Variants in PIBF1 observed in about 807,000 individuals in gnomAD.
PIBF1 encodes progesterone-induced-blocking factor 1.
Under a neutral mutation model 112.5 loss-of-function variants are expected in PIBF1, and 90 were observed. The ratio of observed to expected loss-of-function variants is 0.80; its 90% CI spans 0.67 to 0.95. The LOEUF (loss-of-function observed/expected upper bound fraction) is 0.95, where lower values mean the gene tolerates loss of function less well. Ranked by LOEUF, PIBF1 falls within the 40% of genes least tolerant of loss-of-function variation. PIBF1 has a pLI of 0.00. For synonymous variants in PIBF1, 301 were observed against 288.6 expected (o/e 1.04, Z -0.44); for missense variants, 915 against 852.3 (o/e 1.07, Z -0.92).
At chr13:72,905,215 G>A (rs573120882) in intron 11 of PIBF1, among the ~76,000 whole-genome samples, 13 of 151,952 alleles carry the variant, frequency 8.6e-5, no homozygotes, top group East Asian at 7.8e-4. Context: ...TTACATGCAC[G>A]CACCACAACA....
intron 14 of PIBF1, among the ~76,000 whole-genome samples, chr13:72,964,530 G>T (rs1451315216): frequency 6.6e-6 from 1 of 152,028 alleles, no homozygotes; most frequent in Non-Finnish European, 1.5e-5. Context: ...TATACATAAT[G>T]ATTTGGATAT....
intron 2 of PIBF1, among the ~76,000 whole-genome samples, chr13:72,784,849 A>G (rs1319240055): frequency 6.6e-6 from 1 of 152,184 alleles, no homozygotes; most frequent in African/African-American, 2.4e-5. Flanking sequence ...AATTTAAAAA[A>G]TCTAACATAT....
At chr13:72,992,821 G>A (rs199842818) in intron 16 of PIBF1, among the ~76,000 whole-genome samples, 2 of 151,112 alleles carry the variant, frequency 1.3e-5, no homozygotes, top group East Asian at 2.0e-4. Context: ...AATAAAAAAG[G>A]CCATAAGGCA....
chr13:72,793,616 A>T (rs1277525231), intron 3 of PIBF1, among the ~76,000 whole-genome samples: 1 of 152,220 alleles, frequency 6.6e-6, no homozygotes, highest in African/African-American at 2.4e-5. Flanking sequence ...AGATTGAATG[A>T]TGCTGCTGAG....
chr13:72,870,166 G>A (rs2039103273), intron 10 of PIBF1, among the ~76,000 whole-genome samples: 2 of 152,044 alleles, frequency 1.3e-5, no homozygotes, highest in Admixed American at 6.6e-5. Flanking sequence ...TACCATGACT[G>A]CCTTTTTCCT....
intron 12 of PIBF1, among the ~76,000 whole-genome samples, chr13:72,914,286 T>A (rs2041007907): frequency 6.6e-6 from 1 of 152,140 alleles, no homozygotes; most frequent in Non-Finnish European, 1.5e-5. Flanking sequence ...CAAATAAGTA[T>A]TATTTGGATA....
chr13:72,935,928 A>G (rs1331565309), intron 14 of PIBF1, among the ~76,000 whole-genome samples: 1 of 152,054 alleles, frequency 6.6e-6, no homozygotes, highest in Non-Finnish European at 1.5e-5. Context: ...TATCCTAAAT[A>G]CAAGTCATTT....
At chr13:73,005,559 A>G (rs968115884) in intron 17 of PIBF1, among the ~76,000 whole-genome samples, 4 of 151,988 alleles carry the variant, frequency 2.6e-5, no homozygotes, top group African/African-American at 9.7e-5. Flanking sequence ...AGTAGGTTAC[A>G]AAAATAATTT....
rs555210101 is a variant in PIBF1, at chr13:73,015,928, A to T, written c.*9A>T. 1.1e-5 allele frequency: 18 copies of T among 1,576,168 alleles called. No homozygotes were observed. The East Asian group carries it at 3.9e-4, about 34-fold the overall frequency. ...AAAAGATGAAGACCTAGTGTTTTGG[A>T]TGGGAAGCACCTGTAGACCATTATA... On this transcript the variant is annotated 3_prime_UTR_variant, in exon 18 of 18. Coordinates refer to ENST00000326291, the MANE Select transcript of PIBF1 (RefSeq NM_006346.4).
At chr13:72,965,208 G>T in intron 14 of PIBF1, 66 bp from the exon 15 acceptor site, 1 of 1,360,746 alleles carries the variant, frequency 7.3e-7, no homozygotes. Context: ...TTGTGCTAGA[G>T]CATTTTGAAT....
chr13:72,843,026 C>CAAGGTAAAT (rs2037681324), intron 9 of PIBF1, among the ~76,000 whole-genome samples: 1 of 152,040 alleles, frequency 6.6e-6, no homozygotes, highest in African/African-American at 2.4e-5. Flanking sequence ...TTTAGATATA[C>CAAGGTAAAT]CTTTGTGGTG....
At chr13:72,907,415 A>G (rs903665440) in intron 11 of PIBF1, among the ~76,000 whole-genome samples, 33 of 152,194 alleles carry the variant, frequency 2.2e-4, no homozygotes, top group African/African-American at 7.7e-4. Flanking sequence ...AGAATTCAAG[A>G]TAATTAAATT....
rs1423919714 is a variant in PIBF1, at chr13:72,792,532, A to G, written c.338A>G (p.Gln113Arg). The G allele has an allele frequency of 6.5e-7, 1 of 1,539,630 alleles. No homozygotes were observed. Residue 113 changes from glutamine to arginine, a missense_variant, in exon 3 of 18, where the codon CAA becomes CGA. Gln to Arg is a conservative substitution (Grantham distance 43, BLOSUM62 1). Coordinates refer to ENST00000326291, the MANE Select transcript of PIBF1 (RefSeq NM_006346.4). ...AGATTAGACAACCAATTGGCTTTTC[A>G]ACAGAAAGATGCCAGGTAAGAAAAG... Reference protein sequence around the residue: ...TLRLDNQLAFQQKDASKYQEL... With the variant: ...TLRLDNQLAFRQKDASKYQEL...
intron 9 of PIBF1, among the ~76,000 whole-genome samples, chr13:72,845,230 A>G (rs1178688507): frequency 1.3e-5 from 2 of 151,862 alleles, no homozygotes; most frequent in Non-Finnish European, 2.9e-5. Flanking sequence ...ATGAGTGAGA[A>G]TATGTGGTGT....
chr13:72,951,433 C>A (rs1439460488), intron 14 of PIBF1, among the ~76,000 whole-genome samples: 2 of 152,096 alleles, frequency 1.3e-5, no homozygotes, highest in Non-Finnish European at 2.9e-5. Flanking sequence ...CCAAATAAAG[C>A]AACTTTCATT....
At chr13:72,896,846 G>C (rs997471804) in intron 11 of PIBF1, among the ~76,000 whole-genome samples, 2 of 152,180 alleles carry the variant, frequency 1.3e-5, no homozygotes, top group Non-Finnish European at 2.9e-5. Flanking sequence ...TGAGGAAGAA[G>C]ACAATTCTAA....
intron 11 of PIBF1, among the ~76,000 whole-genome samples, chr13:72,895,858 G>A (rs140734788): frequency 1.7e-4 from 26 of 152,198 alleles, no homozygotes; most frequent in African/African-American, 5.8e-4. Context: ...ACTCTGGGAG[G>A]TGGAAAGCCT....
chr13:72,931,367 C>G (rs1027320008), intron 14 of PIBF1, 100 bp downstream of exon 14: 5 of 805,594 alleles, frequency 6.2e-6, no homozygotes, highest in Non-Finnish European at 8.1e-6. Flanking sequence ...AAGCTGTTTG[C>G]TAGTACAAAA....
intron 17 of PIBF1, among the ~76,000 whole-genome samples, chr13:73,012,758 C>CAAT (rs60685629): frequency 0.24 from 35,286 of 147,366 alleles, 4,564 homozygotes; most frequent in Middle Eastern, 0.3. Flanking sequence ...CTGTCTCCAC[C>CAAT]AATAATAATA....
Sources: gnomAD v4.1 joint callset for allele counts (sites outside exome capture counted in the v4.1 genomes callset) on GRCh38, gnomAD v4.1.1 for gene constraint, MANE v1.5 for transcripts, NCBI Gene and HGNC (gene_info 2026-07-23, HGNC 2026-07-21) for gene names.